Variants in COL12A1 observed in about 807,000 individuals in gnomAD.
COL12A1 encodes collagen type XII alpha 1 chain.
COL12A1 carries 114 observed loss-of-function variants against 349.7 expected under a neutral mutation model. The ratio of observed to expected loss-of-function variants is 0.33; its 90% CI spans 0.28 to 0.38. The LOEUF (loss-of-function observed/expected upper bound fraction) is 0.38, where lower values mean the gene tolerates loss of function less well. COL12A1 is among the 10% of genes least tolerant of loss of function. The probability of loss-of-function intolerance (pLI) is 1.00; values close to 1 mark genes in which losing one functional copy is unlikely to be tolerated. For synonymous variants in COL12A1, 1,369 were observed against 1,329.0 expected, an observed-to-expected ratio of 1.03 and a Z score of -0.66; for missense variants, 3,284 against 3,756.9, an observed-to-expected ratio of 0.87 and a Z score of 3.29.
At chr6:75,100,146 C>T (rs1470806063) in intron 58 of COL12A1, among the ~76,000 whole-genome samples, 3 of 152,210 alleles carry the variant, frequency 2.0e-5, no homozygotes, top group Non-Finnish European at 4.4e-5. Flanking sequence ...CACCACAAAG[C>T]TGGACACAGA....
chr6:75,121,521 A>C, intron 43 of COL12A1, 80 bp from the exon 44 acceptor site: 5 of 1,417,426 alleles, frequency 3.5e-6, no homozygotes, highest in Non-Finnish European at 4.7e-6. Context: ...TGAAAATGCA[A>C]TATAACACCT....
chr6:75,106,603 G>GCTCACACCCT, intron 52 of COL12A1, 107 bp from the exon 53 acceptor site: 6 of 927,260 alleles, frequency 6.5e-6, no homozygotes, highest in Non-Finnish European at 8.6e-6. Flanking sequence ...TCTCTCAAGG[G>GCTCACACCCT]TGTGAGCCAT....
chr6:75,147,829 A>AACAACGTAT (rs772366256), intron 22 of COL12A1, 25 bp from the exon 23 acceptor site: 1 of 1,610,530 alleles, frequency 6.2e-7, no homozygotes, highest in Non-Finnish European at 8.5e-7. Context: ...TAAACAGAGC[A>AACAACGTAT]ACAACGTATG....
At chr6:75,194,345 G>A (rs560402476) in intron 3 of COL12A1, among the ~76,000 whole-genome samples, 4 of 152,242 alleles carry the variant, frequency 2.6e-5, no homozygotes, top group South Asian at 4.1e-4. Context: ...GCCTAGTGTC[G>A]ATGGAATCCA....
In COL12A1 at chr6:75,188,378, C is replaced by T; in HGVS notation, c.981G>A (p.Leu327=). The part of the protein sequence containing the change: ...CSGVDEQLGE[L]VSGEEVVEPP... ...TCTACTCACCTTCTTCTCCACTAAC[C>T]AATTCACCAAGTTGTTCATCAACAC... The change falls in exon 8 of 66, where the codon TTG becomes TTA. Residue 327 remains leucine, a synonymous_variant. Coordinates refer to ENST00000322507, the MANE Select transcript of COL12A1 (RefSeq NM_004370.6). 6.2e-7 allele frequency: 1 copy of T among 1,613,048 alleles called. No homozygotes were observed. The highest frequency in any genetic ancestry group is 8.5e-7 in the Non-Finnish European group (1 of 1,179,496).
chr6:75,188,094 TAAAGA>T (rs1769728919), intron 8 of COL12A1, among the ~76,000 whole-genome samples: 1 of 152,026 alleles, frequency 6.6e-6, no homozygotes, highest in Non-Finnish European at 1.5e-5. Context: ...AAAAGAGTCT[TAAAGA>T]AAAGAGTAAA....
At chr6:75,135,362 A>G (rs1419345204) in intron 31 of COL12A1, among the ~76,000 whole-genome samples, 1 of 152,202 alleles carries the variant, frequency 6.6e-6, no homozygotes, top group Non-Finnish European at 1.5e-5. Flanking sequence ...TCACTCTAAC[A>G]GCCTTAGCTG....
At chr6:75,151,784 C>T (rs1158484109) in intron 20 of COL12A1, 83 bp downstream of exon 20, 6 of 1,347,816 alleles carry the variant, frequency 4.5e-6, no homozygotes, top group Non-Finnish European at 6.0e-6. Flanking sequence ...TTTTTTCATG[C>T]TTCAGATAAA....
Position 75,192,298 on chromosome 6 carries a change from T to C in COL12A1, c.248A>G (p.Glu83Gly), listed in dbSNP as rs774484016. 1 of 1,611,822 alleles carries C rather than the reference T, an allele frequency of 6.2e-7. No homozygotes were observed. The highest frequency in any genetic ancestry group is 2.2e-5 in the East Asian group (1 of 44,700). The change falls in exon 4 of 66, where the codon GAA (glutamate) becomes GGA (glycine). Residue 83 changes from glutamate to glycine, a missense_variant. Physicochemically the swap from Glu to Gly is moderately conservative, Grantham distance 98 (BLOSUM62 -2). Coordinates refer to ENST00000322507, the MANE Select transcript of COL12A1 (RefSeq NM_004370.6). The part of the protein sequence containing the change: ...SASTTETLLS[E>G]LVPETEYVVT... ...CACATACTCTGTTTCAGGTACAAGT[T>C]CTGACAATAAAGTTTCAGTGGTACT...
intron 60 of COL12A1, among the ~76,000 whole-genome samples, chr6:75,091,799 G>A (rs1224466514): frequency 6.6e-6 from 1 of 151,880 alleles, no homozygotes; most frequent in Non-Finnish European, 1.5e-5. Flanking sequence ...TAAAAGTTAT[G>A]GACCATGCAC....
chr6:75,155,886 T>C, intron 15 of COL12A1, 32 bp from the exon 16 acceptor site: 2 of 1,563,366 alleles, frequency 1.3e-6, no homozygotes, highest in Non-Finnish European at 1.7e-6. Flanking sequence ...TAAAATATTA[T>C]CTGTAAGACT....
At chr6:75,148,268 G>GC in intron 22 of COL12A1, 90 bp downstream of exon 22, 1 of 1,310,474 alleles carries the variant, frequency 7.6e-7, no homozygotes, top group Non-Finnish European at 1.1e-6. Context: ...CATCCCTCTT[G>GC]CCCCTCACCT....
At position 75,143,174 on chromosome 6, in the gene COL12A1, T is replaced by A. The variant is rs1400457420; in HGVS notation, c.4827+78A>T. 4 of 1,509,792 alleles carry A rather than the reference T, an allele frequency of 2.6e-6. No homozygotes were observed. The East Asian group carries it at 9.0e-5, about 34-fold the overall frequency. 93.5% of individuals were successfully genotyped at this position (1,509,792 alleles called of 1,614,324 possible). A position where few individuals can be genotyped will look rare whatever the true frequency, so the allele number is the denominator to read the frequency against. On this transcript the variant is annotated intron_variant, in intron 26 of 65. Transcript: ENST00000322507. ...GACAAGTATTCAAAACATGCTATCA[T>A]CCATACTTGATAAAGTTCTTTTTTT...
chr6:75,091,252 G>T, intron 62 of COL12A1, 71 bp downstream of exon 62: 2 of 1,285,150 alleles, frequency 1.6e-6, no homozygotes, highest in South Asian at 1.3e-5. Flanking sequence ...GAAACTTCAT[G>T]ACTCAAACTC....
chr6:75,143,428 A>G, intron 25 of COL12A1, 40 bp from the exon 26 acceptor site: 7 of 1,601,372 alleles, frequency 4.4e-6, no homozygotes, highest in Non-Finnish European at 5.9e-6. Context: ...TGTGCTTCTC[A>G]ACCACAAAGC....
chr6:75,091,308 G>C lies in COL12A1; in HGVS notation c.8752+15C>G, dbSNP rs769648368. The C allele has an allele frequency of 3.7e-6, 6 of 1,607,790 alleles. No individual in the cohort carries two copies. Among genetic ancestry groups the C allele is most frequent in the Non-Finnish European group, 4.2e-6 (5 of 1,177,260 alleles). ...TTTAAAACAATTCATACAGTAAAAA[G>C]AAAAGAAATTTTACCACTTATCAAT... On this transcript the variant is annotated intron_variant, in intron 62 of 65. Transcript: ENST00000322507.
chr6:75,091,351 T>C lies in COL12A1; in HGVS notation c.8724A>G (p.Ala2908=). 2 of 1,613,774 alleles carry C rather than the reference T, an allele frequency of 1.2e-6. No individual in the cohort carries two copies. The highest frequency in any genetic ancestry group is 1.7e-6 in the Non-Finnish European group (2 of 1,179,924). Residue 2908 remains alanine, a synonymous_variant, in exon 62 of 66, where the codon GCA becomes GCG. Coordinates refer to ENST00000322507, the MANE Select transcript of COL12A1 (RefSeq NM_004370.6). ...IASQNMMRAV[A]RQVCEQLISG... ...TTATCAATTGTTCACAGACTTGTCT[T>C]GCAACTGCTCGCATCATGTTCTGGG...
intron 23 of COL12A1, among the ~76,000 whole-genome samples, 161 bp downstream of exon 23, chr6:75,147,514 C>T (rs1226671176): frequency 6.6e-6 from 1 of 152,128 alleles, no homozygotes; most frequent in Non-Finnish European, 1.5e-5. Flanking sequence ...AGTAGAAAAC[C>T]ACTGAGTATT....
chr6:75,192,200 A>G lies in COL12A1; in HGVS notation c.334+12T>C, dbSNP rs1445832742. On this transcript the variant is annotated intron_variant, in intron 4 of 65. Transcript: ENST00000322507. Reference sequence around the variant, plus strand: ...AAATTATACAAATATTTTATTTTATATGTGTGCTTACTTGTTAGTTGTCCT... The same window carrying G: ...AAATTATACAAATATTTTATTTTATGTGTGTGCTTACTTGTTAGTTGTCCT... The G allele has an allele frequency of 1.4e-5, 21 of 1,499,270 alleles. No homozygotes were observed. Among genetic ancestry groups the G allele is most frequent in the Non-Finnish European group, 1.9e-5 (21 of 1,116,488 alleles). 92.9% of individuals were successfully genotyped at this position (1,499,270 alleles called of 1,614,324 possible). A position where few individuals can be genotyped will look rare whatever the true frequency, so the allele number is the denominator to read the frequency against.
Sources: allele counts gnomAD v4.1 joint callset (sites outside exome capture counted in the v4.1 genomes callset), GRCh38; gene constraint gnomAD v4.1.1; transcripts MANE v1.5; gene names NCBI Gene and HGNC (gene_info 2026-07-23, HGNC 2026-07-21).